The following ACVR1B variants were observed in gnomAD, a reference collection of about 807,000 sequenced individuals.
ACVR1B encodes activin A receptor type 1B, also known as activin receptor type-1B.
ACVR1B carries 15 observed loss-of-function variants against 55.6 expected under a neutral mutation model. That is an observed-to-expected ratio of 0.27 (90% CI 0.18 to 0.42). ACVR1B has a LOEUF of 0.42. Among genes scored for constraint, ACVR1B ranks in the 10% least tolerant of loss-of-function variants. The probability of loss-of-function intolerance (pLI) is 1.00; values close to 1 mark genes in which losing one functional copy is unlikely to be tolerated. For missense variants in ACVR1B, 359 were observed against 670.1 expected, an observed-to-expected ratio of 0.54 and a Z score of 5.13; for synonymous variants, 247 against 254.6, an observed-to-expected ratio of 0.97 and a Z score of 0.28.
At chr12:51,959,628 G>A (rs970066860) in intron 1 of ACVR1B, among the ~76,000 whole-genome samples, 2 of 152,234 alleles carry the variant, frequency 1.3e-5, no homozygotes, top group East Asian at 1.9e-4. Context: ...TGCATTGGGT[G>A]GGGGTGAGTC....
chr12:51,986,687 C>T (rs1362403015), intron 6 of ACVR1B, 131 bp from the exon 7 acceptor site: 14 of 1,274,650 alleles, frequency 1.1e-5, no homozygotes, highest in Non-Finnish European at 1.5e-5. Flanking sequence ...GATGTGTACA[C>T]TTCTTCTGCC....
chr12:51,970,914 G>A (rs903843338), intron 1 of ACVR1B, among the ~76,000 whole-genome samples: 3 of 152,164 alleles, frequency 2.0e-5, no homozygotes, highest in Non-Finnish European at 4.4e-5. Flanking sequence ...AGTTTTAGGT[G>A]CGCTCCTGGA....
intron 1 of ACVR1B, among the ~76,000 whole-genome samples, chr12:51,971,590 T>C (rs1320964078): frequency 6.6e-6 from 1 of 152,226 alleles, no homozygotes; most frequent in Non-Finnish European, 1.5e-5. Context: ...GATTTATTTT[T>C]TCAGAGAGAA....
intron 3 of ACVR1B, among the ~76,000 whole-genome samples, chr12:51,979,163 C>CAAAA (rs1164099929): frequency 1.8e-5 from 1 of 57,098 alleles, no homozygotes; most frequent in Non-Finnish European, 3.4e-5. Context: ...AGCTCCGTCT[C>CAAAA]AAAAAAAAAA....
intron 3 of ACVR1B, among the ~76,000 whole-genome samples, chr12:51,978,237 T>G (rs978058626): frequency 2.0e-5 from 3 of 152,088 alleles, no homozygotes; most frequent in Non-Finnish European, 4.4e-5. Flanking sequence ...GGGAATTGAT[T>G]TGCTGCTAGA....
intron 1 of ACVR1B, among the ~76,000 whole-genome samples, chr12:51,966,232 G>A (rs540751205): frequency 3.9e-5 from 6 of 152,264 alleles, no homozygotes; most frequent in African/African-American, 1.2e-4. Flanking sequence ...ATAGCTTATA[G>A]AAAATACAGA....
intron 2 of ACVR1B, among the ~76,000 whole-genome samples, chr12:51,975,767 G>A (rs1941837759): frequency 6.6e-6 from 1 of 152,214 alleles, no homozygotes. Flanking sequence ...GTGAGGAGTG[G>A]AAGAACCAGG....
At chr12:51,985,421 G>A in intron 6 of ACVR1B, 73 bp downstream of exon 6, 1 of 1,502,628 alleles carries the variant, frequency 6.7e-7, no homozygotes, top group South Asian at 1.3e-5. Context: ...TTTCCCATAT[G>A]CGCAGGAGAA....
chr12:51,978,606 G>C (rs918725133), intron 3 of ACVR1B, among the ~76,000 whole-genome samples: 3 of 152,052 alleles, frequency 2.0e-5, no homozygotes, highest in Non-Finnish European at 2.9e-5. Context: ...GAGGTGGGTG[G>C]ATCATGAGGT....
chr12:51,957,680 C>T (rs1941440936), intron 1 of ACVR1B, among the ~76,000 whole-genome samples: 1 of 152,134 alleles, frequency 6.6e-6, no homozygotes, highest in African/African-American at 2.4e-5. Context: ...GCTGGGATTA[C>T]AGGCCTGAGC....
At chr12:51,991,656 C>A (rs768866401) in intron 7 of ACVR1B, among the ~76,000 whole-genome samples, 7 of 152,224 alleles carry the variant, frequency 4.6e-5, no homozygotes, top group Non-Finnish European at 8.8e-5. Flanking sequence ...CTTGCCTTGG[C>A]CTCCCAAAGT....
chr12:51,965,622 A>T (rs1328165326), intron 1 of ACVR1B, among the ~76,000 whole-genome samples: 2 of 152,144 alleles, frequency 1.3e-5, no homozygotes, highest in Non-Finnish European at 2.9e-5. Flanking sequence ...TAAAGACAGT[A>T]CCATGTGAGA....
intron 7 of ACVR1B, 76 bp from the exon 8 acceptor site, chr12:51,991,787 G>A: frequency 6.6e-7 from 1 of 1,510,490 alleles, no homozygotes; most frequent in Non-Finnish European, 9.0e-7. Context: ...AGAGCACAGT[G>A]TAGGTTTTGT....
chr12:51,985,352 G>C lies in ACVR1B; in HGVS notation c.1136+4G>C, dbSNP rs1427885336. ...ATCAGAGGGTGGGGACCAAACGGTA[G>C]GAGGGCCTGGGACTCTGCCCTTGCT... is the stretch of plus-strand genomic sequence containing the variant. On this transcript the variant is annotated splice_donor_region_variant and intron_variant, in intron 6 of 8. Coordinates refer to ENST00000257963, the MANE Select transcript of ACVR1B (RefSeq NM_004302.5). The C allele has an allele frequency of 5.0e-6, 8 of 1,609,320 alleles. No homozygotes were observed. In the African/African-American group the frequency reaches 1.1e-4, roughly 22 times the overall value.
At chr12:51,951,899 C>G in intron 1 of ACVR1B, 65 bp downstream of exon 1, 1 of 1,050,212 alleles carries the variant, frequency 9.5e-7, no homozygotes, top group South Asian at 4.7e-5. Flanking sequence ...AGGCCTCGAG[C>G]CGCGGCCGCT....
chr12:51,973,732 T>C (rs1220266714), intron 1 of ACVR1B, among the ~76,000 whole-genome samples: 1 of 152,216 alleles, frequency 6.6e-6, no homozygotes, highest in Non-Finnish European at 1.5e-5. Context: ...AGCAAGAGGC[T>C]GCATGTTTTG....
intron 2 of ACVR1B, 149 bp downstream of exon 2, chr12:51,975,653 C>T: frequency 8.6e-7 from 1 of 1,169,090 alleles, no homozygotes; most frequent in Non-Finnish European, 1.2e-6. Flanking sequence ...TGGGGTTTCT[C>T]AGCAGTTGCT....
At chr12:51,966,148 A>G (rs1226261723) in intron 1 of ACVR1B, among the ~76,000 whole-genome samples, 2 of 152,232 alleles carry the variant, frequency 1.3e-5, no homozygotes, top group African/African-American at 4.8e-5. Flanking sequence ...GATGGTAGGG[A>G]TGGTATTCAT....
At chr12:51,977,280 T>C (rs1941877975) in intron 3 of ACVR1B, among the ~76,000 whole-genome samples, 1 of 152,116 alleles carries the variant, frequency 6.6e-6, no homozygotes, top group African/African-American at 2.4e-5. Flanking sequence ...TGCAAAAGAA[T>C]TTTTTTACTT....
Sources: gnomAD v4.1 joint callset for allele counts (sites outside exome capture counted in the v4.1 genomes callset) on GRCh38, gnomAD v4.1.1 for gene constraint, MANE v1.5 for transcripts, NCBI Gene and HGNC (gene_info 2026-07-23, HGNC 2026-07-21) for gene names.